The following FYB1 variants were observed in gnomAD, a reference collection of about 807,000 sequenced individuals.
The protein encoded by FYB1 is FYN binding protein 1, also known as FYN-binding protein 1.
In FYB1, 41 loss-of-function variants were observed where a neutral mutation model predicts 94.1. The ratio of observed to expected loss-of-function variants is 0.44; its 90% confidence interval spans 0.34 to 0.57. The LOEUF is 0.57. Among genes scored for constraint, FYB1 ranks in the 20% least tolerant of loss-of-function variants. The probability of loss-of-function intolerance (pLI) is 0.02; values close to 1 mark genes in which losing one functional copy is unlikely to be tolerated. For missense variants in FYB1, 1,050 were observed against 976.8 expected, an observed-to-expected ratio of 1.07 and a Z score of -1.00; for synonymous variants, 367 against 353.2, an observed-to-expected ratio of 1.04 and a Z score of -0.44.
At chr5:39,235,031 A>T (rs1467401138) in intron 1 of FYB1, among the ~76,000 whole-genome samples, 1 of 146,944 alleles carries the variant, frequency 6.8e-6, no homozygotes, top group Non-Finnish European at 1.5e-5. Context: ...CCTTCTGCAT[A>T]TGTATCCAAG....
intron 2 of FYB1, among the ~76,000 whole-genome samples, chr5:39,174,149 G>A (rs1200808968): frequency 6.6e-6 from 1 of 152,098 alleles, no homozygotes; most frequent in African/African-American, 2.4e-5. Flanking sequence ...GGTTCTCCTT[G>A]AAGAGGTCTT....
chr5:39,185,440 A>T (rs765704260), intron 2 of FYB1, among the ~76,000 whole-genome samples: 1 of 151,260 alleles, frequency 6.6e-6, no homozygotes, highest in Non-Finnish European at 1.5e-5. Flanking sequence ...CCCAGTCAAG[A>T]TGGTAGGCTG....
chr5:39,243,653 A>G lies in FYB1; in HGVS notation c.-28+30750T>C, dbSNP rs993763782. ...TTTTTTGGTTCCATATGAACTTTAA[A>G]GTAGTTTTTTCCAATTCTGTGAAGA... On this transcript the variant is annotated intron_variant, in intron 1 of 1. Transcript: ENST00000510188. Among the ~76,000 whole-genome samples, 927 of 152,248 alleles carry G rather than the reference A, an allele frequency of 6.1e-3. 7 individuals are homozygous for G. The highest frequency in any genetic ancestry group is 0.021 in the African/African-American group (875 of 41,524).
chr5:39,139,262 TA>T lies in FYB1; in HGVS notation c.1340-11del. The T allele has an allele frequency of 2.8e-6, 4 of 1,444,580 alleles. No individual in the cohort carries two copies. The highest frequency in any genetic ancestry group is 3.7e-6 in the Non-Finnish European group (4 of 1,068,656). The allele number at this position is 1,444,580 out of a possible 1,614,324, so 89.5% of individuals were successfully genotyped here. A position where few individuals can be genotyped will look rare whatever the true frequency, so the allele number is the denominator to read the frequency against. ...TCTAGATTTCCAGCACCTAAAAGATTAAAAAAATAAAATTTAATACATTTGT... is the reference window on the plus strand; with the variant it reads ...TCTAGATTTCCAGCACCTAAAAGATTAAAAAATAAAATTTAATACATTTGT... On this transcript the variant is annotated splice_polypyrimidine_tract_variant and intron_variant, in intron 4 of 18. Coordinates refer to ENST00000512982, the MANE Select transcript of FYB1 (RefSeq NM_001465.6).
At chr5:39,199,991 T>C (rs1748169775) in intron 2 of FYB1, among the ~76,000 whole-genome samples, 1 of 152,130 alleles carries the variant, frequency 6.6e-6, no homozygotes, top group Non-Finnish European at 1.5e-5. Flanking sequence ...GAGTTTTGAT[T>C]TGTGGAAGAG....
intron 16 of FYB1, among the ~76,000 whole-genome samples, chr5:39,112,374 G>C (rs1166890350): frequency 2.0e-5 from 3 of 151,936 alleles, no homozygotes; most frequent in African/African-American, 7.2e-5. Context: ...AAATAATGAT[G>C]TATATGAACT....
chr5:39,112,937 G>A (rs1235148773), intron 16 of FYB1, among the ~76,000 whole-genome samples: 1 of 152,102 alleles, frequency 6.6e-6, no homozygotes, highest in East Asian at 1.9e-4. Flanking sequence ...GGGAGATGGA[G>A]TGTGAGATGG....
Position 39,202,382 on chromosome 5 carries a change from G to C in FYB1, c.579C>G (p.Phe193Leu), listed in dbSNP as rs930524088. Residue 193 changes from phenylalanine (F) to leucine (L), a missense_variant, in exon 2 of 19, where the codon TTC becomes TTG. Transcript: ENST00000512982. ...ASQDLEPKPLFPKPAFGQKPP... is the reference protein window; with the variant it reads ...ASQDLEPKPLLPKPAFGQKPP... ...GCTTCTGGCCAAAGGCGGGTTTGGG[G>C]AAGAGGGGCTTGGGTTCAAGATCTT... 2.5e-6 allele frequency: 4 copies of C among 1,613,998 alleles called. No homozygotes were observed. The highest frequency in any genetic ancestry group is 1.1e-5 in the South Asian group (1 of 91,076).
intron 2 of FYB1, among the ~76,000 whole-genome samples, chr5:39,197,524 C>T (rs1747937657): frequency 6.6e-6 from 1 of 152,230 alleles, no homozygotes; most frequent in Admixed American, 6.5e-5. Flanking sequence ...ATCTAAGCAG[C>T]TGTGGCCAAT....
At chr5:39,247,776 T>A (rs1198219871) in intron 1 of FYB1, among the ~76,000 whole-genome samples, 1 of 151,884 alleles carries the variant, frequency 6.6e-6, no homozygotes, top group Non-Finnish European at 1.5e-5. Flanking sequence ...TTGTTGAGCA[T>A]CTAGTATATG....
At chr5:39,174,161 G>T (rs1253814108) in intron 2 of FYB1, among the ~76,000 whole-genome samples, 1 of 152,054 alleles carries the variant, frequency 6.6e-6, no homozygotes, top group Non-Finnish European at 1.5e-5. Context: ...AGAGGTCTTT[G>T]ACTTCCTTGG....
chr5:39,238,833 G>C (rs977094109), intron 1 of FYB1, among the ~76,000 whole-genome samples: 2 of 152,078 alleles, frequency 1.3e-5, no homozygotes, highest in Admixed American at 1.3e-4. Context: ...CCAACAGCTA[G>C]GCTTTAAACC....
In FYB1 at chr5:39,134,334, GT is replaced by G; in HGVS notation, c.1690del (p.Thr564GlnfsTer4). The G allele has an allele frequency of 6.2e-7, 1 of 1,605,692 alleles. No individual in the cohort carries two copies. ...ATCATAGTCAATCTCTACAGCAGTT[GT>G]TTTAATATAGCCATCTACCAAAAAG... ...TARGSYGYIK[T>X]TAVEIDYDSL... On this transcript the variant is annotated frameshift_variant, in exon 9 of 19. Transcript: ENST00000512982. LOFTEE classifies it high-confidence loss of function.
chr5:39,147,425 T>C (rs912952239), intron 3 of FYB1, among the ~76,000 whole-genome samples: 22 of 150,430 alleles, frequency 1.5e-4, no homozygotes, highest in Non-Finnish European at 2.8e-4. Context: ...CGTGTTACCA[T>C]GCCCAGCTAA....
At chr5:39,185,529 T>A (rs71588481) in intron 2 of FYB1, among the ~76,000 whole-genome samples, 96,097 of 139,898 alleles carry the variant, frequency 0.69, 34,006 homozygotes, top group Admixed American at 0.78. Context: ...AAAAAAAATA[T>A]ATATATATAT....
chr5:39,194,815 G>T (rs1341249987), intron 2 of FYB1, among the ~76,000 whole-genome samples: 4 of 152,206 alleles, frequency 2.6e-5, no homozygotes, highest in African/African-American at 9.6e-5. Context: ...CTGATTAATA[G>T]TAAGTGTGTT....
intron 1 of FYB1, chr5:39,270,640 T>G: frequency 6.8e-7 from 1 of 1,477,470 alleles, no homozygotes; most frequent in Non-Finnish European, 9.1e-7. Flanking sequence ...GGATAGTGAA[T>G]GTGCAAGTTA....
chr5:39,195,401 G>A (rs1404544303), intron 2 of FYB1, among the ~76,000 whole-genome samples: 1 of 152,160 alleles, frequency 6.6e-6, no homozygotes, highest in Non-Finnish European at 1.5e-5. Flanking sequence ...AGAATGGGGG[G>A]AAAAAGAAAG....
At chr5:39,246,280 C>A (rs1445383432) in intron 1 of FYB1, among the ~76,000 whole-genome samples, 1 of 152,042 alleles carries the variant, frequency 6.6e-6, no homozygotes, top group African/African-American at 2.4e-5. Flanking sequence ...GTCCACTAAC[C>A]CATAAAATTG....
Sources: gnomAD v4.1 joint callset for allele counts (sites outside exome capture counted in the v4.1 genomes callset) on GRCh38, gnomAD v4.1.1 for gene constraint, MANE v1.5 for transcripts, NCBI Gene and HGNC (gene_info 2026-07-23, HGNC 2026-07-21) for gene names.